The following ANXA13 variants were observed in gnomAD, a reference collection of about 807,000 sequenced individuals.
ANXA13 encodes the protein annexin A13, also known as annexin XIII.
A neutral mutation model predicts 46.6 loss-of-function variants in ANXA13; 36 were observed. That is an observed-to-expected ratio of 0.77 (90% CI 0.59 to 1.02). The LOEUF (loss-of-function observed/expected upper bound fraction) is 1.02. Ranked by LOEUF, ANXA13 falls within the 50% of genes least tolerant of loss-of-function variation. The pLI is 0.00. For synonymous variants in ANXA13, 163 were observed against 152.9 expected (o/e 1.07, Z -0.49); for missense variants, 417 against 396.5 (o/e 1.05, Z -0.44).
chr8:123,698,676 C>T, intron 3 of ANXA13, 117 bp from the exon 4 acceptor site: 2 of 1,068,480 alleles, frequency 1.9e-6, no homozygotes, highest in South Asian at 1.5e-5. Context: ...GACATGAATT[C>T]TGCCAACCTG....
intron 2 of ANXA13, among the ~76,000 whole-genome samples, chr8:123,707,948 A>C (rs1298535099): frequency 6.6e-6 from 1 of 152,220 alleles, no homozygotes; most frequent in Non-Finnish European, 1.5e-5. Flanking sequence ...ACGGCCCAGC[A>C]ACAACCTGGA....
At chr8:123,735,648 T>G in intron 1 of ANXA13, 1 of 1,298,160 alleles carries the variant, frequency 7.7e-7, no homozygotes, top group Non-Finnish European at 1.0e-6. Context: ...TGATGATGGC[T>G]GGTGGCTGGT....
In ANXA13 at chr8:123,712,715, T is replaced by A. The variant is rs749245581; in HGVS notation, c.54A>T (p.Arg18=). The change falls in exon 2 of 11, where the codon CGA becomes CGT. Residue 18 remains arginine, a synonymous_variant. Transcript: ENST00000419625. ...ASSPQGFDVD[R]DAKKLNKACK... is the part of the protein sequence containing the mutation. ...AGGCTTTGTTCAGCTTTTTGGCATCTCGATCCACATCAAAACCCTGAGGAC... is the reference window on the plus strand; with the variant it reads ...AGGCTTTGTTCAGCTTTTTGGCATCACGATCCACATCAAAACCCTGAGGAC... 2 of 1,614,118 alleles carry A rather than the reference T, an allele frequency of 1.2e-6. No homozygotes were observed. The highest frequency in any genetic ancestry group is 2.7e-5 in the African/African-American group (2 of 74,940).
chr8:123,694,537 G>A (rs1468692980), intron 6 of ANXA13, among the ~76,000 whole-genome samples: 2 of 152,202 alleles, frequency 1.3e-5, no homozygotes, highest in African/African-American at 4.8e-5. Context: ...GGAGCTGATA[G>A]TAGCTTCTGG....
chr8:123,737,002 C>A (rs550682332), intron 1 of ANXA13, among the ~76,000 whole-genome samples: 25 of 147,008 alleles, frequency 1.7e-4, no homozygotes, highest in Non-Finnish European at 3.4e-4. Flanking sequence ...GCATGTTCCA[C>A]CACACCTAGC....
intron 1 of ANXA13, among the ~76,000 whole-genome samples, chr8:123,720,658 G>A (rs1813845862): frequency 1.4e-4 from 1 of 7,308 alleles, no homozygotes; most frequent in African/African-American, 9.1e-4. Flanking sequence ...CTGTGTCCCC[G>A]TGTGTGTGTG....
chr8:123,703,691 C>T, intron 2 of ANXA13, among the ~76,000 whole-genome samples: 1 of 152,122 alleles, frequency 6.6e-6, no homozygotes. Flanking sequence ...AGGGAGGTTG[C>T]CCCTTTTAAC....
chr8:123,706,085 T>C (rs142186537), intron 2 of ANXA13, among the ~76,000 whole-genome samples: 322 of 152,356 alleles, frequency 2.1e-3, no homozygotes, highest in African/African-American at 7.2e-3. Flanking sequence ...AACAGAATTC[T>C]AGGAGGATCT....
At chr8:123,697,767 G>T (rs565785904) in intron 4 of ANXA13, among the ~76,000 whole-genome samples, 1 of 152,330 alleles carries the variant, frequency 6.6e-6, no homozygotes, top group Non-Finnish European at 1.5e-5. Flanking sequence ...TTGACTTGAT[G>T]AGTCCCTTGG....
chr8:123,714,034 G>C (rs1354191011), intron 1 of ANXA13, among the ~76,000 whole-genome samples: 1 of 152,204 alleles, frequency 6.6e-6, no homozygotes, highest in Non-Finnish European at 1.5e-5. Context: ...GCTGGTTTAA[G>C]TGCTACTGGC....
rs1309887374 is a variant in ANXA13, at chr8:123,702,594, G to A, written c.186+48C>T. 2.0e-6 allele frequency: 3 copies of A among 1,490,534 alleles called. No homozygotes were observed. In the East Asian group the frequency reaches 6.8e-5, roughly 34 times the overall value. 92.3% of individuals were successfully genotyped at this position (1,490,534 alleles called of 1,614,324 possible). ...CTGGGGACATGAGGAAGCCGAGACG[G>A]CTGAGGCCATGGCTGGGTGCAAGCT... On this transcript the variant is annotated intron_variant, in intron 3 of 10. Transcript: ENST00000419625.
At chr8:123,720,091 G>A (rs1363495082) in intron 1 of ANXA13, among the ~76,000 whole-genome samples, 1 of 152,206 alleles carries the variant, frequency 6.6e-6, no homozygotes, top group African/African-American at 2.4e-5. Context: ...AATATTTCCA[G>A]TGCAGTTCCT....
At chr8:123,709,320 C>T (rs79332397) in intron 2 of ANXA13, among the ~76,000 whole-genome samples, 1 of 151,842 alleles carries the variant, frequency 6.6e-6, no homozygotes, top group African/African-American at 2.4e-5. Context: ...TCCCTCCCTC[C>T]CTCTCTTCCT....
At position 123,693,292 on chromosome 8, in the gene ANXA13, C is replaced by A; in HGVS notation, c.547G>T (p.Glu183Ter). ...QDAKDLYDAGEGRWGTDELAF... is the reference protein window; with the variant it reads ...QDAKDLYDAG ...AGCTCATCAGTGCCCCAGCGGCCTT[C>A]CCCTGCCTCAAGGGTCAAATACAAA... Residue 183 changes from glutamate (E) to a stop codon, truncating the protein, a stop_gained, in exon 8 of 11, where the codon GAA (glutamate) becomes TAA (stop). Transcript: ENST00000419625. LOFTEE classifies it high-confidence loss of function. 1 of 1,614,092 alleles carries A rather than the reference C, an allele frequency of 6.2e-7. No individual in the cohort carries two copies. The highest frequency in any genetic ancestry group is 8.5e-7 in the Non-Finnish European group (1 of 1,179,978).
chr8:123,705,057 C>T (rs1161278043), intron 2 of ANXA13, among the ~76,000 whole-genome samples: 1 of 152,236 alleles, frequency 6.6e-6, no homozygotes, highest in East Asian at 1.9e-4. Context: ...ATCCACTCCT[C>T]ATCCTGTTCC....
At chr8:123,684,528 A>T in intron 10 of ANXA13, 82 bp downstream of exon 10, 2 of 975,404 alleles carry the variant, frequency 2.1e-6, no homozygotes, top group Non-Finnish European at 1.6e-6. Flanking sequence ...ATAGGCCCTT[A>T]ATAGAAACTA....
intron 1 of ANXA13, among the ~76,000 whole-genome samples, chr8:123,717,776 C>T (rs1449247152): frequency 1.3e-5 from 2 of 152,164 alleles, no homozygotes; most frequent in African/African-American, 4.8e-5. Flanking sequence ...TAGGCCGAGG[C>T]GACTTTCTGA....
chr8:123,698,325 T>G lies in ANXA13; in HGVS notation c.357+64A>C, dbSNP rs577070435. On this transcript the variant is annotated intron_variant, in intron 4 of 10. Transcript: ENST00000419625. Reference sequence around the variant, plus strand: ...GAATGCTGGGAAGTAGGGTCCCTTCTGGGGGGCTGCAACCATCTCTATTGG... The same window carrying G: ...GAATGCTGGGAAGTAGGGTCCCTTCGGGGGGGCTGCAACCATCTCTATTGG... 2.2e-5 allele frequency: 34 copies of G among 1,565,742 alleles called. No individual in the cohort carries two copies. The South Asian group carries it at 3.9e-4, about 18-fold the overall frequency.
chr8:123,696,125 A>G (rs982487417), intron 4 of ANXA13, among the ~76,000 whole-genome samples: 1 of 151,472 alleles, frequency 6.6e-6, no homozygotes, highest in African/African-American at 2.4e-5. Context: ...TTGCGTTTGT[A>G]TATATATGTG....
Sources: allele counts gnomAD v4.1 joint callset (sites outside exome capture counted in the v4.1 genomes callset), GRCh38; gene constraint gnomAD v4.1.1; transcripts MANE v1.5; gene names NCBI Gene and HGNC (gene_info 2026-07-23, HGNC 2026-07-21).